Variants in DPF3 observed in about 807,000 individuals in gnomAD.
DPF3 encodes double PHD fingers 3.
DPF3 carries 18 observed loss-of-function variants against 56.8 expected under a neutral mutation model. The ratio of observed to expected loss-of-function variants is 0.32; its 90% confidence interval spans 0.22 to 0.47. The LOEUF (loss-of-function observed/expected upper bound fraction) is 0.47. DPF3 is among the 20% of genes least tolerant of loss of function. The pLI, the probability that DPF3 is intolerant of heterozygous loss-of-function variation, is 1.00. For missense variants in DPF3, 403 were observed against 488.8 expected (o/e 0.82, Z 1.65); for synonymous variants, 188 against 180.2 (o/e 1.04, Z -0.35).
intron 5 of DPF3, among the ~76,000 whole-genome samples, chr14:72,721,366 A>G (rs740974): frequency 0.29 from 43,727 of 152,182 alleles, 7,039 homozygotes; most frequent in East Asian, 0.46. Flanking sequence ...CCACACTTGC[A>G]TCAGTTTGGT....
intron 3 of DPF3, among the ~76,000 whole-genome samples, chr14:72,740,143 G>A (rs767758666): frequency 1.3e-5 from 2 of 152,178 alleles, no homozygotes; most frequent in African/African-American, 2.4e-5. Context: ...CTCTGAAGCC[G>A]GCCCATCTGC....
At chr14:72,848,081 C>T (rs1483784166) in intron 1 of DPF3, among the ~76,000 whole-genome samples, 2 of 152,248 alleles carry the variant, frequency 1.3e-5, no homozygotes, top group Non-Finnish European at 2.9e-5. Context: ...TCTGGACCTA[C>T]CTTACCTGCC....
chr14:72,809,369 T>C (rs1474665120), intron 1 of DPF3, among the ~76,000 whole-genome samples: 2 of 152,186 alleles, frequency 1.3e-5, no homozygotes, highest in Admixed American at 6.5e-5. Flanking sequence ...GGTCCCTCCA[T>C]CATCTAGGAC....
intron 7 of DPF3, among the ~76,000 whole-genome samples, chr14:72,691,363 T>C (rs945892091): frequency 6.6e-5 from 10 of 152,172 alleles, no homozygotes; most frequent in African/African-American, 2.4e-4. Flanking sequence ...CAAAGAGGCA[T>C]TTAAAGAGGT....
chr14:72,780,038 G>T (rs1032103198), intron 1 of DPF3, among the ~76,000 whole-genome samples: 1 of 152,232 alleles, frequency 6.6e-6, no homozygotes, highest in Non-Finnish European at 1.5e-5. Context: ...AGTACATGCT[G>T]GGTCATGCCT....
At chr14:72,736,234 G>A (rs922479250) in intron 3 of DPF3, among the ~76,000 whole-genome samples, 5 of 152,112 alleles carry the variant, frequency 3.3e-5, no homozygotes, top group Admixed American at 2.6e-4. Context: ...AAATATGGAC[G>A]CAAAATTTTA....
chr14:72,808,405 T>C (rs969813328), intron 1 of DPF3, among the ~76,000 whole-genome samples: 1 of 152,134 alleles, frequency 6.6e-6, no homozygotes, highest in African/African-American at 2.4e-5. Flanking sequence ...CGAACTCAAA[T>C]AGTAAGAGTC....
chr14:72,841,430 A>C (rs2140068551), intron 1 of DPF3, among the ~76,000 whole-genome samples: 1 of 152,328 alleles, frequency 6.6e-6, no homozygotes, highest in Non-Finnish European at 1.5e-5. Flanking sequence ...TGGTCCAATC[A>C]GCAAATTTTG....
intron 4 of DPF3, among the ~76,000 whole-genome samples, chr14:72,727,021 G>T (rs1257468339): frequency 6.6e-6 from 1 of 152,048 alleles, no homozygotes; most frequent in Non-Finnish European, 1.5e-5. Flanking sequence ...CTTCCAAATG[G>T]CTTCCTTCTT....
intron 1 of DPF3, among the ~76,000 whole-genome samples, chr14:72,877,590 G>C (rs1021398977): frequency 6.6e-6 from 1 of 152,108 alleles, no homozygotes; most frequent in African/African-American, 2.4e-5. Flanking sequence ...GATAGCAAGA[G>C]CTAGCAAGGT....
intron 8 of DPF3, chr14:72,661,771 G>A (rs751199285): frequency 2.2e-5 from 22 of 985,158 alleles, no homozygotes; most frequent in Non-Finnish European, 2.5e-5. Context: ...AGCCAGCTCA[G>A]CAGAAGGTTC....
intron 1 of DPF3, among the ~76,000 whole-genome samples, chr14:72,892,977 A>C (rs1176466625): frequency 6.9e-6 from 1 of 144,774 alleles, no homozygotes; most frequent in Non-Finnish European, 1.5e-5. Flanking sequence ...GGAAGGAAGG[A>C]AGGAAGGAAG....
intron 8 of DPF3, among the ~76,000 whole-genome samples, chr14:72,631,167 G>C (rs1180438419): frequency 6.6e-6 from 1 of 152,152 alleles, no homozygotes; most frequent in Non-Finnish European, 1.5e-5. Context: ...GTTGGTGGTG[G>C]GGAGGGGACA....
chr14:72,772,038 T>C (rs556803465), intron 1 of DPF3, 145 bp from the exon 2 acceptor site: 2 of 910,030 alleles, frequency 2.2e-6, no homozygotes, highest in African/African-American at 1.7e-5. Context: ...ACCAAGAGCC[T>C]TGCCAATGAG....
chr14:72,773,166 T>A (rs1220834064), intron 1 of DPF3, among the ~76,000 whole-genome samples: 1 of 145,990 alleles, frequency 6.8e-6, no homozygotes, highest in Non-Finnish European at 1.5e-5. Flanking sequence ...GGAGTCTCAC[T>A]CCGTCGCCCA....
intron 1 of DPF3, among the ~76,000 whole-genome samples, chr14:72,796,626 C>G (rs1447834226): frequency 6.6e-6 from 1 of 152,184 alleles, no homozygotes; most frequent in African/African-American, 2.4e-5. Context: ...ATGTCTCAGA[C>G]ACTACAATAA....
chr14:72,622,290 A>T (rs972245265), intron 9 of DPF3, among the ~76,000 whole-genome samples: 2 of 152,238 alleles, frequency 1.3e-5, no homozygotes, highest in Non-Finnish European at 2.9e-5. Context: ...CTCCAACTTT[A>T]CAGGACAGGC....
chr14:72,890,309 G>C (rs530317000), intron 1 of DPF3, among the ~76,000 whole-genome samples: 1 of 152,094 alleles, frequency 6.6e-6, no homozygotes, highest in African/African-American at 2.4e-5. Context: ...GGCCAAGATG[G>C]AGAAACCCCG....
At chr14:72,724,396 A>G (rs1184265393) in intron 4 of DPF3, among the ~76,000 whole-genome samples, 1 of 152,114 alleles carries the variant, frequency 6.6e-6, no homozygotes, top group Non-Finnish European at 1.5e-5. Context: ...GGCTGAAAAC[A>G]GTTTTGAGTG....
Sources: gnomAD v4.1 joint callset for allele counts (sites outside exome capture counted in the v4.1 genomes callset) on GRCh38, gnomAD v4.1.1 for gene constraint, MANE v1.5 for transcripts, NCBI Gene and HGNC (gene_info 2026-07-23, HGNC 2026-07-21) for gene names.